NPAS4: variants seen among roughly 807,000 people sequenced by gnomAD.
NPAS4 encodes the protein neuronal PAS domain-containing protein 4.
Under a neutral mutation model 64.0 loss-of-function variants are expected in NPAS4, and 10 were observed. The observed-to-expected ratio is 0.16, with a 90% CI of 0.10 to 0.26. The LOEUF (loss-of-function observed/expected upper bound fraction) is 0.26, where lower values mean the gene tolerates loss of function less well. NPAS4 is among the 10% of genes least tolerant of loss of function. The probability of loss-of-function intolerance (pLI) is 1.00; values close to 1 mark genes in which losing one functional copy is unlikely to be tolerated. For missense variants in NPAS4, 886 were observed against 992.6 expected (o/e 0.89, Z 1.44); for synonymous variants, 441 against 411.7 (o/e 1.07, Z -0.86).
chr11:66,423,790 T>TATGG, intron 6 of NPAS4, 45 bp from the exon 7 acceptor site: 1 of 1,604,408 alleles, frequency 6.2e-7, no homozygotes, highest in Non-Finnish European at 8.5e-7. Context: ...CTGCTCTGGA[T>TATGG]ATGGACGTCG....
chr11:66,423,804 C>A, intron 6 of NPAS4, 31 bp from the exon 7 acceptor site: 1 of 1,601,346 alleles, frequency 6.2e-7, no homozygotes, highest in South Asian at 1.1e-5. Context: ...GACGTCGGAC[C>A]CTTACCAGCT....
At chr11:66,413,038 C>A in the NPAS4 span, among the ~76,000 whole-genome samples, 5 of 152,224 alleles carry the variant, frequency 3.3e-5, no homozygotes, top group African/African-American at 4.8e-5. Context: ...GTGGGCAAAG[C>A]AGTCACAGTC....
the NPAS4 span, among the ~76,000 whole-genome samples, chr11:66,412,996 T>C: frequency 0.032 from 4,890 of 152,336 alleles, 263 homozygotes; most frequent in African/African-American, 0.11. Context: ...TTCTTACAAA[T>C]GTTTATGAAG....
At chr11:66,418,260 A>G (rs1419205750), upstream of NPAS4, among the ~76,000 whole-genome samples, 3 of 152,002 alleles carry the variant, frequency 2.0e-5, no homozygotes, top group Admixed American at 1.3e-4. Flanking sequence ...GCTGCCTGCC[A>G]CTTGGGGGAG....
chr11:66,418,265 G>A (rs1165761523), upstream of NPAS4, among the ~76,000 whole-genome samples: 1 of 152,098 alleles, frequency 6.6e-6, no homozygotes, highest in Non-Finnish European at 1.5e-5. Context: ...CTGCCACTTG[G>A]GGGAGAGAGT....
At chr11:66,412,032 T>C in the NPAS4 span, among the ~76,000 whole-genome samples, 2 of 152,192 alleles carry the variant, frequency 1.3e-5, no homozygotes, top group African/African-American at 4.8e-5. Context: ...TTACGAGCTG[T>C]GCCCTGATAG....
upstream of NPAS4, among the ~76,000 whole-genome samples, chr11:66,420,820 C>T (rs1286477290): frequency 6.6e-6 from 1 of 152,194 alleles, no homozygotes; most frequent in Non-Finnish European, 1.5e-5. Flanking sequence ...CCCTCCGCAG[C>T]CTCCTGCTCC....
chr11:66,424,211 C>T lies in NPAS4; in HGVS notation c.1321C>T (p.His441Tyr), dbSNP rs1856802322. The T allele has an allele frequency of 1.2e-6, 2 of 1,613,936 alleles. No individual in the cohort carries two copies. Among genetic ancestry groups the T allele is most frequent in the African/African-American group, 1.3e-5 (1 of 74,912 alleles). ...AGGCTGTGCCTTCCTCTTCAGCCTC[C>T]ATGAGCCCTTCCAGACCCATTTGCC... ...PGGCAFLFSL[H>Y]EPFQTHLPTP... The change falls in exon 7 of 8, where the codon CAT becomes TAT. Residue 441 changes from histidine to tyrosine, a missense_variant. His to Tyr is a moderately conservative substitution (Grantham distance 83, BLOSUM62 2). This residue lies in a region of NPAS4 where 820 missense variants were observed against 855.5 expected (regional missense o/e 0.96). Transcript: ENST00000311034.
rs770700994 is a variant in NPAS4, at chr11:66,424,020, G to T, written c.1130G>T (p.Ser377Ile). Residue 377 changes from serine (S) to isoleucine (I), a missense_variant, in exon 7 of 8, where the codon AGT becomes ATT. Ser to Ile is a moderately radical substitution (Grantham distance 142). Transcript: ENST00000311034. Reference protein sequence around the residue: ...LGAPRSTSFPSAPELSVVSAS... With the variant: ...LGAPRSTSFPIAPELSVVSAS... ...GCTCCCAGAAGCACCAGCTTCCCCA[G>T]TGCTCCTGAACTGAGTGTTGTCTCT... 1 of 1,614,128 alleles carries T rather than the reference G, an allele frequency of 6.2e-7. No homozygotes were observed. The highest frequency in any genetic ancestry group is 1.1e-5 in the South Asian group (1 of 91,086).
Position 66,425,085 on chromosome 11 carries a change from A to T in NPAS4, c.2195A>T (p.Glu732Val). 1.9e-6 allele frequency: 3 copies of T among 1,603,056 alleles called. No homozygotes were observed. The South Asian group carries it at 3.4e-5, about 18-fold the overall frequency. Reference protein sequence around the residue: ...PSEEWGSGDPEAEGPGGAPSP... With the variant: ...PSEEWGSGDPVAEGPGGAPSP... The stretch of plus-strand genomic sequence containing the variant: ...GAGGAATGGGGCTCAGGGGATCCTG[A>T]GGCAGAGGGCCCAGGAGGGGCCCCA... The change falls in exon 7 of 8, where the codon GAG becomes GTG. Residue 732 changes from glutamate to valine, a missense_variant. Coordinates refer to ENST00000311034, the MANE Select transcript of NPAS4 (RefSeq NM_178864.4).
Position 66,422,930 on chromosome 11 carries a change from C to A in NPAS4, c.687C>A (p.Asp229Glu). The change falls in exon 4 of 8, where the codon GAC (aspartate) becomes GAA (glutamate). Residue 229 changes from aspartate to glutamate, a missense_variant. Transcript: ENST00000311034. Reference sequence around the variant, plus strand: ...ATGCTAAAGACCTGGCTCTACTGGACATCTCCGAGAGGTAAGCCTGGAGTG... The same window carrying A: ...ATGCTAAAGACCTGGCTCTACTGGAAATCTCCGAGAGGTAAGCCTGGAGTG... ...SRHAKDLALL[D>E]ISESVLIYLG... The A allele has an allele frequency of 6.2e-7, 1 of 1,604,936 alleles. No individual in the cohort carries two copies. Among genetic ancestry groups the A allele is most frequent in the Non-Finnish European group, 8.5e-7 (1 of 1,179,928 alleles).
upstream of NPAS4, among the ~76,000 whole-genome samples, chr11:66,420,632 G>A (rs1856726788): frequency 6.6e-6 from 1 of 152,224 alleles, no homozygotes; most frequent in African/African-American, 2.4e-5. Context: ...AAAAATTAGT[G>A]TCAGTGCCGG....
Position 66,424,568 on chromosome 11 carries a change from A to T in NPAS4, c.1678A>T (p.Thr560Ser), listed in dbSNP as rs1773015811. ...PEQLSPNPTK[T>S]YFAQEGCSFL... ...GCAACTGAGCCCCAACCCTACCAAGACTTACTTTGCCCAGGAGGGATGCAG... is the reference window on the plus strand; with the variant it reads ...GCAACTGAGCCCCAACCCTACCAAGTCTTACTTTGCCCAGGAGGGATGCAG... The change falls in exon 7 of 8, where the codon ACT (threonine) becomes TCT (serine). Residue 560 changes from threonine to serine, a missense_variant. Thr to Ser is a moderately conservative substitution (Grantham distance 58). Transcript: ENST00000311034. The T allele has an allele frequency of 1.9e-6, 3 of 1,614,000 alleles. No individual in the cohort carries two copies. In the South Asian group the frequency reaches 3.3e-5, roughly 18 times the overall value.
At chr11:66,411,420 T>C in the NPAS4 span, among the ~76,000 whole-genome samples, 1 of 152,182 alleles carries the variant, frequency 6.6e-6, no homozygotes, top group Non-Finnish European at 1.5e-5. Context: ...GGGAACAGAA[T>C]CTGCATCTTC....
intron 5 of NPAS4, 100 bp from the exon 6 acceptor site, chr11:66,423,478 A>G (rs1856785437): frequency 5.0e-6 from 7 of 1,395,734 alleles, no homozygotes; most frequent in Non-Finnish European, 7.0e-6. Context: ...AGAAGAGAGG[A>G]TGTCACGGCT....
chr11:66,422,393 T>C (rs1856758648), intron 2 of NPAS4, 58 bp from the exon 3 acceptor site: 1 of 1,488,504 alleles, frequency 6.7e-7, no homozygotes, highest in African/African-American at 1.4e-5. Context: ...ATACTGTAGA[T>C]CAAAGATTGG....
At position 66,425,046 on chromosome 11, in the gene NPAS4, C is replaced by A; in HGVS notation, c.2156C>A (p.Thr719Asn). ...PVEDIFMDLS[T>N]PDPSEEWGSG... ...GAAGACATCTTCATGGATCTCTCTA[C>A]CCCAGATCCCAGTGAGGAATGGGGC... Residue 719 changes from threonine (T) to asparagine (N), a missense_variant, in exon 7 of 8, where the codon ACC becomes AAC. Around this residue, in one of 3 missense-constraint regions of NPAS4, gnomAD observed 820 missense variants for 855.5 expected, o/e 0.96. Coordinates refer to ENST00000311034, the MANE Select transcript of NPAS4 (RefSeq NM_178864.4). The A allele has an allele frequency of 1.9e-6, 3 of 1,611,528 alleles. No homozygotes were observed. The highest frequency in any genetic ancestry group is 2.5e-6 in the Non-Finnish European group (3 of 1,178,798).
intron 1 of NPAS4, among the ~76,000 whole-genome samples, chr11:66,421,792 G>A (rs950929424): frequency 6.6e-6 from 1 of 152,236 alleles, no homozygotes; most frequent in African/African-American, 2.4e-5. Flanking sequence ...GCCGTGTATG[G>A]CTCTGTCCAT....
chr11:66,418,174 C>T (rs1856691718), upstream of NPAS4, among the ~76,000 whole-genome samples: 1 of 152,202 alleles, frequency 6.6e-6, no homozygotes, highest in African/African-American at 2.4e-5. Context: ...AATTCACTCC[C>T]TTGCCCACTT....
Sources: gnomAD v4.1 joint callset for allele counts (sites outside exome capture counted in the v4.1 genomes callset) on GRCh38, gnomAD v4.1.1 for gene constraint, gnomAD v4.1.1 regional missense constraint, MANE v1.5 for transcripts, NCBI Gene and HGNC (gene_info 2026-07-23, HGNC 2026-07-21) for gene names.